LRP6: variants seen among roughly 807,000 people sequenced by gnomAD.
LRP6 encodes the protein low-density lipoprotein receptor-related protein 6.
LRP6 carries 43 observed loss-of-function variants against 184.1 expected under a neutral mutation model. The observed-to-expected ratio is 0.23, with a 90% CI of 0.18 to 0.30. The LOEUF is 0.30. Among genes scored for constraint, LRP6 ranks in the 10% least tolerant of loss-of-function variants. The probability of loss-of-function intolerance (pLI) is 1.00; values close to 1 mark genes in which losing one functional copy is unlikely to be tolerated. For missense variants in LRP6, 1,571 were observed against 2,005.3 expected, an observed-to-expected ratio of 0.78 and a Z score of 4.14; for synonymous variants, 719 against 684.9, an observed-to-expected ratio of 1.05 and a Z score of -0.78.
chr12:12,181,487 A>AGT, intron 5 of LRP6, 48 bp from the exon 6 acceptor site: 1 of 872,422 alleles, frequency 1.1e-6, no homozygotes. Flanking sequence ...CCAGAGGTAA[A>AGT]ATTTACCTGC....
chr12:12,213,779 C>T (rs540325972), intron 2 of LRP6, among the ~76,000 whole-genome samples: 1 of 151,860 alleles, frequency 6.6e-6, no homozygotes, highest in East Asian at 1.9e-4. Flanking sequence ...CAAATTGTAA[C>T]GTACAGTATT....
At chr12:12,248,957 A>G in intron 1 of LRP6, 1 of 476,994 alleles carries the variant, frequency 2.1e-6, no homozygotes, top group Admixed American at 3.4e-5. Flanking sequence ...CAGAGTATAA[A>G]AAATTAAAGT....
intron 2 of LRP6, among the ~76,000 whole-genome samples, chr12:12,220,599 GTTTT>G (rs113682151): frequency 1.5e-5 from 2 of 130,052 alleles, no homozygotes; most frequent in Non-Finnish European, 3.3e-5. Context: ...ATTTTTCTTA[GTTTT>G]TTTTTTTTTT....
Position 12,266,718 on chromosome 12 carries a change from C to T in LRP6, c.18G>A (p.Arg6=), listed in dbSNP as rs1360998880. 6.2e-7 allele frequency: 1 copy of T among 1,613,768 alleles called. No individual in the cohort carries two copies. ...CACAGAAGCTGCAGGCCAGGAGGCT[C>T]CTCAGGACGGCCCCCATCTTCCCTT... MGAVL[R]SLLACSFCVL... The change falls in exon 1 of 23, where the codon AGG becomes AGA. Residue 6 remains arginine (R), a synonymous_variant. Coordinates refer to ENST00000261349, the MANE Select transcript of LRP6 (RefSeq NM_002336.3).
Position 12,203,306 on chromosome 12 carries a change from A to G in LRP6, c.544T>C (p.Tyr182His). ...TCCAAAGTCAGTCCATTTGGCCAGT[A>G]AATTTCACTGTTTATTATAATGAAG... The part of the protein sequence containing the change: ...SRFIIINSEI[Y>H]WPNGLTLDYE... The change falls in exon 3 of 23, where the codon TAC becomes CAC. Residue 182 changes from tyrosine to histidine, a missense_variant. This residue lies in a region of LRP6 where 640 missense variants were observed against 851.9 expected (regional missense o/e 0.75). Transcript: ENST00000261349. The G allele has an allele frequency of 6.2e-7, 1 of 1,614,052 alleles. No individual in the cohort carries two copies. Among genetic ancestry groups the G allele is most frequent in the Non-Finnish European group, 8.5e-7 (1 of 1,179,908 alleles).
chr12:12,125,566 C>T (rs1949661997), intron 20 of LRP6, 134 bp from the exon 21 acceptor site: 1 of 804,796 alleles, frequency 1.2e-6, no homozygotes, highest in African/African-American at 1.7e-5. Flanking sequence ...CACTCTTTTC[C>T]TATAATTGAA....
chr12:12,148,441 T>C (rs1261739969), intron 14 of LRP6, among the ~76,000 whole-genome samples: 1 of 152,184 alleles, frequency 6.6e-6, no homozygotes, highest in Non-Finnish European at 1.5e-5. Flanking sequence ...TACAACTGAT[T>C]ATTGAGTATT....
Position 12,181,217 on chromosome 12 carries a change from G to C in LRP6, c.1199C>G (p.Ala400Gly), listed in dbSNP as rs776605994. Residue 400 changes from alanine to glycine, a missense_variant, in exon 6 of 23, where the codon GCT (alanine) becomes GGT (glycine). By Grantham distance (60) the Ala-to-Gly change is moderately conservative. Transcript: ENST00000261349. Reference sequence around the variant, plus strand: ...AATACCATCAGGATGGGCAATTTGAGCAGTGACCACAAACTGACTGCCAGA... The same window carrying C: ...AATACCATCAGGATGGGCAATTTGACCAGTGACCACAAACTGACTGCCAGA... Reference protein sequence around the residue: ...DGSGSQFVVTAQIAHPDGIAV... With the variant: ...DGSGSQFVVTGQIAHPDGIAV... The C allele has an allele frequency of 6.2e-7, 1 of 1,614,142 alleles. No homozygotes were observed. Among genetic ancestry groups the C allele is most frequent in the Non-Finnish European group, 8.5e-7 (1 of 1,179,992 alleles).
intron 1 of LRP6, among the ~76,000 whole-genome samples, chr12:12,266,027 G>A (rs1779076286): frequency 6.6e-6 from 1 of 152,158 alleles, no homozygotes; most frequent in Non-Finnish European, 1.5e-5. Context: ...GGGGCAAGCC[G>A]TGAATACCAG....
At chr12:12,173,174 A>G (rs1863090633) in intron 7 of LRP6, among the ~76,000 whole-genome samples, 1 of 152,220 alleles carries the variant, frequency 6.6e-6, no homozygotes, top group Non-Finnish European at 1.5e-5. Context: ...TGAAGGCATC[A>G]TGATGACGAA....
intron 7 of LRP6, among the ~76,000 whole-genome samples, chr12:12,177,972 G>T (rs889724914): frequency 6.6e-6 from 1 of 152,068 alleles, no homozygotes; most frequent in African/African-American, 2.4e-5. Flanking sequence ...CAGGGAAGAA[G>T]GAAAGAAGGG....
chr12:12,261,149 G>T (rs1405577656), intron 1 of LRP6, among the ~76,000 whole-genome samples: 1 of 152,232 alleles, frequency 6.6e-6, no homozygotes, highest in South Asian at 2.1e-4. Flanking sequence ...GGCCGGGCGC[G>T]GTGGCTCACG....
intron 2 of LRP6, among the ~76,000 whole-genome samples, chr12:12,225,965 C>T (rs921815343): frequency 2.6e-5 from 4 of 152,152 alleles, no homozygotes; most frequent in African/African-American, 9.6e-5. Flanking sequence ...GTAAGGTCTG[C>T]CCTCAAGAAA....
At chr12:12,204,561 T>C (rs1202643854) in intron 2 of LRP6, among the ~76,000 whole-genome samples, 1 of 149,032 alleles carries the variant, frequency 6.7e-6, no homozygotes, top group African/African-American at 2.6e-5. Context: ...TGAAGACTTT[T>C]CAAAATAAAA....
At chr12:12,212,898 G>T (rs181240222) in intron 2 of LRP6, among the ~76,000 whole-genome samples, 8 of 152,284 alleles carry the variant, frequency 5.3e-5, no homozygotes, top group Admixed American at 5.2e-4. Context: ...AACTTATCCA[G>T]CTCACCTCAC....
Position 12,120,044 on chromosome 12 carries a change from A to ATATATAG in LRP6, c.*1081_*1082insCTATATA, listed in dbSNP as rs1949584195. On this transcript the variant is annotated 3_prime_UTR_variant, in exon 23 of 23. Coordinates refer to ENST00000261349, the MANE Select transcript of LRP6 (RefSeq NM_002336.3). ...ATATATATATATATATATATATATAAATGATTTCGTACTGTGATATATGCT... is the reference window on the plus strand; with the variant it reads ...ATATATATATATATATATATATATAATATATAGATGATTTCGTACTGTGATATATGCT... 1 of 73,598 alleles carries ATATATAG rather than the reference A, an allele frequency of 1.4e-5. No homozygotes were observed. The highest frequency in any genetic ancestry group is 2.6e-5 in the Non-Finnish European group (1 of 38,462). The allele number at this position is 73,598 out of a possible 1,614,324, so 4.6% of individuals were successfully genotyped here.
At chr12:12,231,615 C>T (rs530326983) in intron 2 of LRP6, among the ~76,000 whole-genome samples, 2 of 152,006 alleles carry the variant, frequency 1.3e-5, no homozygotes, top group Admixed American at 6.6e-5. Flanking sequence ...TACCAAAACT[C>T]AAACTAAGCC....
intron 3 of LRP6, among the ~76,000 whole-genome samples, chr12:12,200,851 G>A (rs1172774607): frequency 6.6e-6 from 1 of 152,078 alleles, no homozygotes; most frequent in Non-Finnish European, 1.5e-5. Flanking sequence ...TAAGTGATTC[G>A]CAGCCTCCTC....
At chr12:12,171,093 A>G (rs776678268) in intron 7 of LRP6, among the ~76,000 whole-genome samples, 2 of 151,014 alleles carry the variant, frequency 1.3e-5, no homozygotes, top group Non-Finnish European at 2.9e-5. Flanking sequence ...TAGGTAGTTC[A>G]TGGTCGTCTC....
Sources: gnomAD v4.1 joint callset for allele counts (sites outside exome capture counted in the v4.1 genomes callset) on GRCh38, gnomAD v4.1.1 for gene constraint, gnomAD v4.1.1 regional missense constraint, MANE v1.5 for transcripts, NCBI Gene and HGNC (gene_info 2026-07-23, HGNC 2026-07-21) for gene names.